The following WNT9B variants were observed in gnomAD, a reference collection of about 807,000 sequenced individuals.
WNT9B encodes the protein Wnt family member 9B.
Under a neutral mutation model 30.2 loss-of-function variants are expected in WNT9B, and 12 were observed. That is an observed-to-expected ratio of 0.40 (90% CI 0.26 to 0.64). WNT9B has a LOEUF of 0.64. Ranked by LOEUF, WNT9B falls within the 30% of genes least tolerant of loss-of-function variation. The pLI is 0.42. For missense variants in WNT9B, 442 were observed against 485.2 expected (o/e 0.91, Z 0.84); for synonymous variants, 218 against 216.9 (o/e 1.01, Z -0.05).
At chr17:46,859,531 T>C (rs564508364) in intron 1 of WNT9B, among the ~76,000 whole-genome samples, 1 of 152,194 alleles carries the variant, frequency 6.6e-6, no homozygotes, top group Non-Finnish European at 1.5e-5. Context: ...TATACAGCCT[T>C]GATTACAGTA....
At chr17:46,842,106 T>A (rs2084722763) in intron 1 of WNT9B, among the ~76,000 whole-genome samples, 1 of 152,218 alleles carries the variant, frequency 6.6e-6, no homozygotes, top group African/African-American at 2.4e-5. Context: ...ACTTGCCTTC[T>A]CACACCGCCC....
At chr17:46,867,393 C>T (rs1231174087) in intron 1 of WNT9B, among the ~76,000 whole-genome samples, 1 of 152,234 alleles carries the variant, frequency 6.6e-6, no homozygotes, top group Non-Finnish European at 1.5e-5. Context: ...CATCCCCTCT[C>T]ATGAGTTAAG....
At chr17:46,866,786 C>T (rs1290472644) in intron 1 of WNT9B, among the ~76,000 whole-genome samples, 1 of 152,108 alleles carries the variant, frequency 6.6e-6, no homozygotes, top group East Asian at 1.9e-4. Context: ...TTGTCCTGTG[C>T]CACCCACCCA....
At chr17:46,853,363 C>CTTTTTTTT (rs35252647) in intron 1 of WNT9B, among the ~76,000 whole-genome samples, 1 of 78,896 alleles carries the variant, frequency 1.3e-5, no homozygotes, top group African/African-American at 5.3e-5. Context: ...ATGCTAGTGA[C>CTTTTTTTT]TTTTTTTTTT....
chr17:46,839,497 C>G (rs1450615836), intron 1 of WNT9B, among the ~76,000 whole-genome samples: 3 of 152,362 alleles, frequency 2.0e-5, no homozygotes, highest in African/African-American at 7.2e-5. Flanking sequence ...GCAGCCATGA[C>G]TGCCATGCAC....
chr17:46,865,028 G>T (rs2085108470), intron 1 of WNT9B, among the ~76,000 whole-genome samples: 1 of 152,224 alleles, frequency 6.6e-6, no homozygotes, highest in African/African-American at 2.4e-5. Flanking sequence ...GACTCATAGA[G>T]GTGATGGATC....
rs149053444 is a variant in WNT9B at position 46,833,224 on chromosome 17, C to T, written c.-122C>T. On this transcript the variant is annotated 5_prime_UTR_variant, in exon 1 of 3. Coordinates refer to the WNT9B transcript ENST00000575372. ...TCAGCAAACCGGGAAGCAGCATGTGCGTGGAAGCTGGGCCTGAGCCCTGAC... is the reference window on the plus strand; with the variant it reads ...TCAGCAAACCGGGAAGCAGCATGTGTGTGGAAGCTGGGCCTGAGCCCTGAC... 6.2e-4 allele frequency: 253 copies of T among 410,730 alleles called. 1 individual carries two copies. The highest frequency in any genetic ancestry group is 4.1e-3 in the African/African-American group (201 of 49,080). 25.4% of individuals were successfully genotyped at this position (410,730 alleles called of 1,614,324 possible).
At chr17:46,847,956 G>A (rs929994959), upstream of WNT9B, among the ~76,000 whole-genome samples, 1 of 136,100 alleles carries the variant, frequency 7.3e-6, no homozygotes, top group African/African-American at 2.8e-5. Context: ...CATCATGTTT[G>A]TGATTTCCAA....
chr17:46,838,058 AG>A lies in WNT9B; in HGVS notation c.95+4623del, dbSNP rs199824881. ...GGCCATTGCTCCAACCCCTGTGTTG[AG>A]GGGGTGGAGGAACCTTTTGCATTTT... is the stretch of plus-strand genomic sequence containing the variant. On this transcript the variant is annotated intron_variant, in intron 1 of 2. Coordinates refer to the WNT9B transcript ENST00000575372. 1.8e-4 allele frequency among the ~76,000 whole-genome samples: 27 copies of A among 152,150 alleles called. No homozygotes were observed. The East Asian group carries it at 5.2e-3, about 29-fold the overall frequency.
At chr17:46,866,879 C>T (rs1220733101) in intron 1 of WNT9B, among the ~76,000 whole-genome samples, 1 of 152,172 alleles carries the variant, frequency 6.6e-6, no homozygotes, top group African/African-American at 2.4e-5. Flanking sequence ...AAGAACAGGG[C>T]TTGGGGTCCT....
At chr17:46,863,469 G>A (rs1238327878) in intron 1 of WNT9B, among the ~76,000 whole-genome samples, 1 of 152,210 alleles carries the variant, frequency 6.6e-6, no homozygotes, top group Non-Finnish European at 1.5e-5. Context: ...GAAGAAAGGA[G>A]TGTCTGCCAT....
At chr17:46,852,046 G>A (rs1305108827) in intron 1 of WNT9B, among the ~76,000 whole-genome samples, 1 of 152,228 alleles carries the variant, frequency 6.6e-6, no homozygotes, top group African/African-American at 2.4e-5. Flanking sequence ...CCGTTCAGGC[G>A]TCAGTCCCGC....
At chr17:46,865,091 T>G (rs1249070387) in intron 1 of WNT9B, among the ~76,000 whole-genome samples, 1 of 152,202 alleles carries the variant, frequency 6.6e-6, no homozygotes, top group Non-Finnish European at 1.5e-5. Context: ...TGACACCTGA[T>G]GCATACGTGC....
downstream of WNT9B, among the ~76,000 whole-genome samples, chr17:46,884,233 C>T (rs752026152): frequency 2.0e-5 from 3 of 152,226 alleles, no homozygotes; most frequent in Non-Finnish European, 2.9e-5. Context: ...CCTCCGAGCC[C>T]GGGGTCACCT....
downstream of WNT9B, among the ~76,000 whole-genome samples, chr17:46,882,272 T>C (rs1401445483): frequency 1.3e-5 from 2 of 152,170 alleles, no homozygotes; most frequent in Non-Finnish European, 2.9e-5. Context: ...TCTAGAACAG[T>C]CCCCCTCTTT....
exon 1 of WNT9B, chr17:46,833,403 C>T (rs752065014): frequency 1.4e-5 from 7 of 518,116 alleles, no homozygotes; most frequent in Middle Eastern, 6.3e-4. Flanking sequence ...GAATGCCAGT[C>T]CTGGGAGCCT....
At chr17:46,864,933 G>T (rs1392144228) in intron 1 of WNT9B, among the ~76,000 whole-genome samples, 2 of 152,142 alleles carry the variant, frequency 1.3e-5, no homozygotes, top group East Asian at 1.9e-4. Context: ...GACCTTAAAG[G>T]GTTTCTCCAG....
chr17:46,870,260 G>T (rs1352991727), intron 1 of WNT9B, among the ~76,000 whole-genome samples: 2 of 152,138 alleles, frequency 1.3e-5, no homozygotes, highest in Admixed American at 1.3e-4. Context: ...TGAGAAGGAG[G>T]ACATTTGAGG....
chr17:46,875,484 T>C (rs948653255), intron 3 of WNT9B, 118 bp downstream of exon 3: 11 of 1,354,318 alleles, frequency 8.1e-6, no homozygotes, highest in African/African-American at 1.5e-5. Context: ...GTGAACTTCA[T>C]AAAGGCAGGA....
Sources: allele counts gnomAD v4.1 joint callset (sites outside exome capture counted in the v4.1 genomes callset), GRCh38; gene constraint gnomAD v4.1.1; transcripts MANE v1.5; gene names NCBI Gene and HGNC (gene_info 2026-07-23, HGNC 2026-07-21).